MSI2: variants seen among roughly 807,000 people sequenced by gnomAD.
The protein encoded by MSI2 is RNA-binding protein Musashi homolog 2.
In MSI2, 17 loss-of-function variants were observed where a neutral mutation model predicts 45.6. That is an observed-to-expected ratio of 0.37 (90% CI 0.26 to 0.56). The LOEUF is 0.56. Among genes scored for constraint, MSI2 ranks in the 20% least tolerant of loss-of-function variants. The pLI, the probability that MSI2 is intolerant of heterozygous loss-of-function variation, is 0.77. For missense variants in MSI2, 293 were observed against 444.2 expected (o/e 0.66, Z 3.06); for synonymous variants, 156 against 158.2 (o/e 0.99, Z 0.11).
chr17:57,514,389 G>T (rs1407102641), intron 6 of MSI2, among the ~76,000 whole-genome samples: 1 of 152,226 alleles, frequency 6.6e-6, no homozygotes, highest in Middle Eastern at 3.2e-3. Context: ...GTACAGCACA[G>T]GTGTGCTGTG....
At chr17:57,577,753 C>T (rs1408262637) in intron 7 of MSI2, among the ~76,000 whole-genome samples, 2 of 152,176 alleles carry the variant, frequency 1.3e-5, no homozygotes. Flanking sequence ...TGTTCAGAAG[C>T]ACAGCAATTA....
chr17:57,410,170 G>A (rs2084168943), intron 6 of MSI2, among the ~76,000 whole-genome samples: 1 of 152,044 alleles, frequency 6.6e-6, no homozygotes, highest in Non-Finnish European at 1.5e-5. Flanking sequence ...AGGAACTTGG[G>A]CCTTGCAAAC....
chr17:57,466,515 T>TA (rs1196128198), intron 6 of MSI2, among the ~76,000 whole-genome samples: 1 of 152,192 alleles, frequency 6.6e-6, no homozygotes, highest in South Asian at 2.1e-4. Context: ...TTTTCCCACT[T>TA]ACTTCTTGCC....
At chr17:57,447,629 G>C (rs376194667) in intron 6 of MSI2, among the ~76,000 whole-genome samples, 3 of 152,014 alleles carry the variant, frequency 2.0e-5, no homozygotes, top group African/African-American at 4.8e-5. Flanking sequence ...ACTCCCAGAA[G>C]CCCCTTTTCC....
At chr17:57,431,150 A>G (rs1343354164) in intron 6 of MSI2, among the ~76,000 whole-genome samples, 2 of 152,126 alleles carry the variant, frequency 1.3e-5, no homozygotes, top group Non-Finnish European at 2.9e-5. Flanking sequence ...TGAAGAATTT[A>G]TCCCTCCAGG....
chr17:57,609,300 G>T (rs1036543010), intron 8 of MSI2, among the ~76,000 whole-genome samples: 3 of 149,162 alleles, frequency 2.0e-5, no homozygotes, highest in African/African-American at 7.7e-5. Context: ...CACCCTAGAA[G>T]CTGCAGGACC....
At chr17:57,385,758 AT>A (rs2083675091) in intron 5 of MSI2, among the ~76,000 whole-genome samples, 1 of 152,208 alleles carries the variant, frequency 6.6e-6, no homozygotes, top group African/African-American at 2.4e-5. Context: ...ATAGTTCATC[AT>A]ATTTCCCTGA....
chr17:57,427,251 G>A (rs1031867001), intron 6 of MSI2, among the ~76,000 whole-genome samples: 4 of 149,770 alleles, frequency 2.7e-5, no homozygotes, highest in African/African-American at 9.8e-5. Context: ...ACAAAAATTA[G>A]CTGAGTTGTG....
Position 57,335,172 on chromosome 17 carries a change from C to G in MSI2, c.313-66207C>G, listed in dbSNP as rs191127581. Among the ~76,000 whole-genome samples, 14 of 151,866 alleles carry G rather than the reference C, an allele frequency of 9.2e-5. No individual in the cohort carries two copies. In the East Asian group the frequency reaches 2.7e-3, roughly 29 times the overall value. ...TTCCCGAACCCCAGCCCCCACCATC[C>G]CTGTCTGCCATTTCTTTGAGAAGCC... On this transcript the variant is annotated intron_variant, in intron 5 of 13. Transcript: ENST00000284073.
chr17:57,473,384 T>C (rs1294147985), intron 6 of MSI2, among the ~76,000 whole-genome samples: 1 of 152,196 alleles, frequency 6.6e-6, no homozygotes, highest in African/African-American at 2.4e-5. Context: ...AGAGATTTAT[T>C]TCAAGGCACA....
intron 5 of MSI2, among the ~76,000 whole-genome samples, chr17:57,311,643 G>T (rs762334873): frequency 4.6e-5 from 7 of 152,090 alleles, no homozygotes; most frequent in Non-Finnish European, 7.4e-5. Flanking sequence ...TCCTATTCTT[G>T]GGCTTAAGTG....
intron 5 of MSI2, among the ~76,000 whole-genome samples, chr17:57,319,584 CAATT>C (rs1913155885): frequency 6.6e-6 from 1 of 152,074 alleles, no homozygotes; most frequent in Admixed American, 6.6e-5. Flanking sequence ...CACATTTTCT[CAATT>C]AATCCTGAAC....
intron 8 of MSI2, among the ~76,000 whole-genome samples, chr17:57,599,105 A>G (rs12450652): frequency 0.1 from 15,644 of 152,336 alleles, 968 homozygotes; most frequent in African/African-American, 0.16. Context: ...AGAAGAGAGT[A>G]CTGGCAGATG....
chr17:57,332,556 T>C (rs568566793), intron 5 of MSI2, among the ~76,000 whole-genome samples: 2 of 152,370 alleles, frequency 1.3e-5, no homozygotes, highest in South Asian at 4.1e-4. Flanking sequence ...TGCTTCTTGT[T>C]GTTAGCCATC....
chr17:57,268,031 T>C (rs1907980186), intron 5 of MSI2: 1 of 152,228 alleles, frequency 6.6e-6, no homozygotes, highest in Non-Finnish European at 1.5e-5. Context: ...TGCCCCTTTG[T>C]GGAAACAGTC....
chr17:57,537,800 G>A (rs1369124227), intron 7 of MSI2, among the ~76,000 whole-genome samples: 1 of 152,220 alleles, frequency 6.6e-6, no homozygotes, highest in Admixed American at 6.5e-5. Flanking sequence ...AACAGGGCTG[G>A]GGGACAGGGT....
intron 6 of MSI2, among the ~76,000 whole-genome samples, chr17:57,434,341 C>G (rs1468259286): frequency 6.6e-6 from 1 of 152,226 alleles, no homozygotes; most frequent in Non-Finnish European, 1.5e-5. Context: ...CTCAGGCAAT[C>G]TGCCCGCCTC....
intron 5 of MSI2, among the ~76,000 whole-genome samples, chr17:57,297,787 C>A (rs1598088343): frequency 6.6e-6 from 1 of 152,334 alleles, no homozygotes; most frequent in East Asian, 1.9e-4. Context: ...ACCTTCCCAA[C>A]AACGTGCACA....
chr17:57,336,194 T>C (rs1451920616), intron 5 of MSI2, among the ~76,000 whole-genome samples: 2 of 152,176 alleles, frequency 1.3e-5, no homozygotes, highest in East Asian at 1.9e-4. Flanking sequence ...CAGCTATGTC[T>C]TGAAGGTTGA....
Sources: gnomAD v4.1 joint callset for allele counts (sites outside exome capture counted in the v4.1 genomes callset) on GRCh38, gnomAD v4.1.1 for gene constraint, MANE v1.5 for transcripts, NCBI Gene and HGNC (gene_info 2026-07-23, HGNC 2026-07-21) for gene names.